SERPINF1: variants seen among roughly 807,000 people sequenced by gnomAD.
SERPINF1 encodes the protein serpin family F member 1, also known as pigment epithelium-derived factor.
Under a neutral mutation model 37.3 loss-of-function variants are expected in SERPINF1, and 29 were observed. That is an observed-to-expected ratio of 0.78 (90% confidence interval 0.58 to 1.06). The LOEUF is 1.06. SERPINF1 is among the 50% of genes least tolerant of loss of function. The pLI, the probability that SERPINF1 is intolerant of heterozygous loss-of-function variation, is 0.00. For missense variants in SERPINF1, 553 were observed against 532.2 expected (o/e 1.04, Z -0.38); for synonymous variants, 281 against 227.9 (o/e 1.23, Z -2.10).
chr17:1,772,200 T>C, intron 5 of SERPINF1, 125 bp downstream of exon 5: 1 of 1,017,228 alleles, frequency 9.8e-7, no homozygotes, highest in Non-Finnish European at 1.5e-6. Flanking sequence ...CAATGCAACC[T>C]CCGCCTCCCA....
chr17:1,771,777 G>A, intron 4 of SERPINF1, 95 bp from the exon 5 acceptor site: 1 of 1,227,536 alleles, frequency 8.1e-7, no homozygotes, highest in Non-Finnish European at 1.2e-6. Context: ...AGGGCCTGCT[G>A]AGCGCTAAAC....
At chr17:1,772,142 A>G in intron 5 of SERPINF1, 67 bp downstream of exon 5, 2 of 1,505,700 alleles carry the variant, frequency 1.3e-6, no homozygotes, top group South Asian at 1.2e-5. Context: ...AATTCGATGG[A>G]GTCTTACTCT....
intron 1 of SERPINF1, among the ~76,000 whole-genome samples, chr17:1,764,845 CT>C (rs11483374): frequency 0.082 from 10,807 of 131,988 alleles, 1,318 homozygotes; most frequent in African/African-American, 0.29. Flanking sequence ...TTTTTTTTTC[CT>C]TTTTTTTTTT....
intron 6 of SERPINF1, among the ~76,000 whole-genome samples, chr17:1,776,194 A>AT (rs1243853779): frequency 3.9e-5 from 6 of 152,278 alleles, no homozygotes; most frequent in African/African-American, 1.4e-4. Context: ...TTAACAAATG[A>AT]GCAGTAAATG....
intron 3 of SERPINF1, chr17:1,770,385 G>T (rs761070349): frequency 8.9e-6 from 4 of 447,622 alleles, no homozygotes; most frequent in African/African-American, 2.0e-5. Flanking sequence ...AGCAGGTGTG[G>T]GCTTGCCCTC....
intron 1 of SERPINF1, chr17:1,766,688 G>A: frequency 3.5e-6 from 2 of 570,886 alleles, no homozygotes; most frequent in South Asian, 2.2e-5. Flanking sequence ...TGAGGCAGGG[G>A]GAGGGGCGGG....
intron 6 of SERPINF1, among the ~76,000 whole-genome samples, chr17:1,776,198 G>A (rs1908019767): frequency 6.6e-6 from 1 of 152,154 alleles, no homozygotes; most frequent in Non-Finnish European, 1.5e-5. Flanking sequence ...CAAATGAGCA[G>A]TAAATGTTGG....
chr17:1,777,301 C>CT lies in SERPINF1; in HGVS notation c.1112_1113insT (p.Thr372HisfsTer20). 1 of 1,614,134 alleles carries CT rather than the reference C, an allele frequency of 6.2e-7. No individual in the cohort carries two copies. The highest frequency in any genetic ancestry group is 8.5e-7 in the Non-Finnish European group (1 of 1,180,024). ...GAGTGGAACGAGGATGGGGCGGGAACCACCCCCAGCCCAGGGCTGCAGCCT... is the reference window on the plus strand; with the variant it reads ...GAGTGGAACGAGGATGGGGCGGGAACTCACCCCCAGCCCAGGGCTGCAGCCT... On this transcript the variant is annotated frameshift_variant, in exon 8 of 8. Transcript: ENST00000254722. LOFTEE classifies it high-confidence loss of function.
At chr17:1,765,960 A>G (rs1433868195) in intron 1 of SERPINF1, among the ~76,000 whole-genome samples, 1 of 152,148 alleles carries the variant, frequency 6.6e-6, no homozygotes, top group Non-Finnish European at 1.5e-5. Context: ...GAGCTCTTGA[A>G]AGGGAACTGT....
At position 1,776,045 on chromosome 17, in the gene SERPINF1, T is replaced by C. The variant is rs7225866; in HGVS notation, c.787-487T>C. ...GGGATCCCTGACACCATCTGTTCCA[T>C]GGACCTTAGGTTAAGAGCCTCTGTT... On this transcript the variant is annotated intron_variant, in intron 6 of 7. Coordinates refer to ENST00000254722, the MANE Select transcript of SERPINF1 (RefSeq NM_002615.7). 0.029 allele frequency among the ~76,000 whole-genome samples: 4,458 copies of C among 152,212 alleles called. 228 individuals carry two copies. The highest frequency in any genetic ancestry group is 0.1 in the African/African-American group (4,227 of 41,516).
intron 1 of SERPINF1, among the ~76,000 whole-genome samples, chr17:1,764,877 T>G (rs1382847090): frequency 6.9e-6 from 1 of 145,822 alleles, no homozygotes; most frequent in African/African-American, 2.6e-5. Flanking sequence ...GGAGTCTTGC[T>G]CTGTTGCCCA....
intron 2 of SERPINF1, 99 bp from the exon 3 acceptor site, chr17:1,769,753 G>A: frequency 1.5e-6 from 2 of 1,338,676 alleles, no homozygotes; most frequent in Non-Finnish European, 2.1e-6. Context: ...AGCCCCAAGG[G>A]GCCAGAACCA....
At chr17:1,776,107 G>A (rs1908013132) in intron 6 of SERPINF1, among the ~76,000 whole-genome samples, 1 of 152,150 alleles carries the variant, frequency 6.6e-6, no homozygotes, top group Admixed American at 6.5e-5. Context: ...TGGATGGGGT[G>A]AAGTCTCCAA....
intron 1 of SERPINF1, 102 bp from the exon 2 acceptor site, chr17:1,766,801 C>T: frequency 8.7e-7 from 1 of 1,150,166 alleles, no homozygotes; most frequent in Non-Finnish European, 1.3e-6. Context: ...AAGTGACTAG[C>T]CCTGCCCAAC....
chr17:1,772,620 G>A (rs1907818924), intron 5 of SERPINF1, among the ~76,000 whole-genome samples: 1 of 150,168 alleles, frequency 6.7e-6, no homozygotes, highest in South Asian at 2.1e-4. Flanking sequence ...GTGCAGTGGC[G>A]CGATCTCGGC....
intron 6 of SERPINF1, among the ~76,000 whole-genome samples, chr17:1,775,650 T>A (rs1259536085): frequency 6.6e-6 from 1 of 151,860 alleles, no homozygotes; most frequent in East Asian, 1.9e-4. Flanking sequence ...TTAAAGCGAT[T>A]CTCTTGCCTC....
Position 1,772,008 on chromosome 17 carries a change from C to T in SERPINF1, c.576C>T (p.Leu192=), listed in dbSNP as rs139486861. 2.2e-5 allele frequency: 36 copies of T among 1,613,684 alleles called. No homozygotes were observed. In the Admixed American group the frequency reaches 2.3e-4, roughly 10 times the overall value. Residue 192 remains leucine, a synonymous_variant, in exon 5 of 8, where the codon CTC becomes CTT. Coordinates refer to ENST00000254722, the MANE Select transcript of SERPINF1 (RefSeq NM_002615.7). ...NWVQAQMKGK[L]ARSTKEIPDE... The stretch of plus-strand genomic sequence containing the variant: ...TGCAGGCGCAGATGAAAGGGAAGCT[C>T]GCCAGGTCCACAAAGGAAATTCCCG...
chr17:1,775,590 T>G (rs1389400486), intron 6 of SERPINF1, among the ~76,000 whole-genome samples: 1 of 150,624 alleles, frequency 6.6e-6, no homozygotes, highest in African/African-American at 2.5e-5. Flanking sequence ...TCGGCCAGGC[T>G]GGAGTGCAGT....
intron 5 of SERPINF1, among the ~76,000 whole-genome samples, chr17:1,773,156 T>C (rs1907846131): frequency 6.6e-6 from 1 of 151,986 alleles, no homozygotes; most frequent in African/African-American, 2.4e-5. Flanking sequence ...GTCTATAGAG[T>C]GAGAGACTTG....
Sources: gnomAD v4.1 joint callset for allele counts (sites outside exome capture counted in the v4.1 genomes callset) on GRCh38, gnomAD v4.1.1 for gene constraint, MANE v1.5 for transcripts, NCBI Gene and HGNC (gene_info 2026-07-23, HGNC 2026-07-21) for gene names.